Variants in MAP2 observed in about 807,000 individuals in gnomAD.
MAP2 encodes microtubule-associated protein 2.
A neutral mutation model predicts 137.6 loss-of-function variants in MAP2; 14 were observed. That is an observed-to-expected ratio of 0.10 (90% CI 0.07 to 0.16). The LOEUF (loss-of-function observed/expected upper bound fraction) is 0.16, where lower values mean the gene tolerates loss of function less well. MAP2 is among the 10% of genes least tolerant of loss of function. The probability of loss-of-function intolerance (pLI) is 1.00; values close to 1 mark genes in which losing one functional copy is unlikely to be tolerated. For missense variants in MAP2, 2,088 were observed against 2,191.5 expected, an observed-to-expected ratio of 0.95 and a Z score of 0.94; for synonymous variants, 786 against 782.3, an observed-to-expected ratio of 1.00 and a Z score of -0.08.
Position 209,710,266 on chromosome 2 carries a change from A to G in MAP2, c.5073+12A>G, listed in dbSNP as rs1242119238. The G allele has an allele frequency of 1.9e-6, 3 of 1,543,586 alleles. No individual in the cohort carries two copies. Among genetic ancestry groups the G allele is most frequent in the East Asian group, 2.4e-5 (1 of 41,092 alleles). On this transcript the variant is annotated intron_variant, in intron 13 of 15. Transcript: ENST00000682079. ...CTAAAGGGGGGCAGGTAAGAATTGCATGAACACATATTTGCTGCCAGAAAT... is the reference window on the plus strand; with the variant it reads ...CTAAAGGGGGGCAGGTAAGAATTGCGTGAACACATATTTGCTGCCAGAAAT...
chr2:209,707,574 GATAA>G (rs1368113632), intron 12 of MAP2, among the ~76,000 whole-genome samples: 2 of 149,788 alleles, frequency 1.3e-5, no homozygotes, highest in Non-Finnish European at 3.0e-5. Context: ...GAGTTGACAA[GATAA>G]ATAAAAGCAC....
intron 5 of MAP2, among the ~76,000 whole-genome samples, chr2:209,673,103 G>A (rs2049614867): frequency 6.6e-6 from 1 of 151,812 alleles, no homozygotes. Flanking sequence ...TACCTGGATA[G>A]TGGTGATCTG....
rs1346973433 is a variant in MAP2 at position 209,615,787 on chromosome 2, T to C, written c.-106-9266T>C. 4.6e-5 allele frequency among the ~76,000 whole-genome samples: 7 copies of C among 152,206 alleles called. No homozygotes were observed. In the South Asian group the frequency reaches 1.0e-3, roughly 23 times the overall value. On this transcript the variant is annotated intron_variant, in intron 3 of 15. Coordinates refer to ENST00000682079, the MANE Select transcript of MAP2 (RefSeq NM_001375505.1). ...GAACTTGTGTTCCTGTTTAGTGCGC[T>C]TTCCTCTGATTTGTGCCTACCCTTC... is the stretch of plus-strand genomic sequence containing the variant.
intron 1 of MAP2, among the ~76,000 whole-genome samples, chr2:209,497,751 C>T (rs1339978378): frequency 6.6e-6 from 1 of 152,082 alleles, no homozygotes; most frequent in Non-Finnish European, 1.5e-5. Flanking sequence ...GCTCCACATT[C>T]TCTTAAATGA....
chr2:209,501,730 G>A (rs1262018431), intron 1 of MAP2, among the ~76,000 whole-genome samples: 1 of 152,036 alleles, frequency 6.6e-6, no homozygotes, highest in East Asian at 1.9e-4. Flanking sequence ...TGAGCCTTGG[G>A]GCAACATCAA....
chr2:209,655,944 A>G (rs2095113801), intron 5 of MAP2, among the ~76,000 whole-genome samples: 1 of 152,180 alleles, frequency 6.6e-6, no homozygotes, highest in Non-Finnish European at 1.5e-5. Context: ...TTTTAAAATA[A>G]TATTTTCTCC....
intron 1 of MAP2, among the ~76,000 whole-genome samples, chr2:209,434,879 TA>T (rs1695413402): frequency 1.8e-5 from 1 of 54,870 alleles, no homozygotes; most frequent in Admixed American, 1.8e-4. Context: ...ATATGTTATA[TA>T]TATGTTATAT....
chr2:209,554,953 ATT>A (rs1209277704), intron 2 of MAP2, among the ~76,000 whole-genome samples: 2,932 of 147,704 alleles, frequency 0.02, 93 homozygotes, highest in African/African-American at 0.068. Context: ...TATATATATT[ATT>A]TTTATATATA....
chr2:209,706,201 T>C (rs1016327743), intron 12 of MAP2, among the ~76,000 whole-genome samples: 4 of 152,158 alleles, frequency 2.6e-5, no homozygotes, highest in Admixed American at 6.6e-5. Context: ...AAATATAGCA[T>C]AGTCTATGCA....
At chr2:209,723,200 C>G (rs2268044) in intron 13 of MAP2, among the ~76,000 whole-genome samples, 117,692 of 152,134 alleles carry the variant, frequency 0.77, 47,935 homozygotes, top group Non-Finnish European at 0.89. Flanking sequence ...ATGGCATATC[C>G]TCTAGGGTCC....
chr2:209,516,313 A>G (rs2062493886), intron 2 of MAP2, among the ~76,000 whole-genome samples: 1 of 152,140 alleles, frequency 6.6e-6, no homozygotes, highest in South Asian at 2.1e-4. Context: ...TTGCTTAAAG[A>G]TGCTTCACCT....
At chr2:209,520,383 A>G (rs2063107828) in intron 2 of MAP2, among the ~76,000 whole-genome samples, 1 of 152,094 alleles carries the variant, frequency 6.6e-6, no homozygotes, top group Non-Finnish European at 1.5e-5. Flanking sequence ...ATTTAGTAGG[A>G]ACAGCATAAA....
At chr2:209,682,701 T>C (rs960036415) in intron 7 of MAP2, among the ~76,000 whole-genome samples, 4 of 151,784 alleles carry the variant, frequency 2.6e-5, no homozygotes, top group African/African-American at 7.3e-5. Flanking sequence ...CAAATAAAGA[T>C]AGAAAAAAGC....
intron 1 of MAP2, among the ~76,000 whole-genome samples, chr2:209,444,484 T>A (rs942917040): frequency 6.6e-6 from 1 of 151,486 alleles, no homozygotes; most frequent in Admixed American, 6.6e-5. Context: ...ATTCAGTAAG[T>A]CAGTATCATT....
Position 209,732,692 on chromosome 2 carries a change from A to C in MAP2, c.*2295A>C, listed in dbSNP as rs2075926746. On this transcript the variant is annotated 3_prime_UTR_variant, in exon 16 of 16. Transcript: ENST00000682079. The stretch of plus-strand genomic sequence containing the variant: ...AAGTATTTTTCTCAACATTCTTTAA[A>C]GTTTTTATATAAGTTAACACTAGGT... 1 of 152,650 alleles carries C rather than the reference A, an allele frequency of 6.6e-6. No homozygotes were observed. Among genetic ancestry groups the C allele is most frequent in the Admixed American group, 6.5e-5 (1 of 15,292 alleles). The allele number at this position is 152,650 out of a possible 1,614,324, so 9.5% of individuals were successfully genotyped here.
At chr2:209,646,891 G>T (rs1026500387) in intron 4 of MAP2, among the ~76,000 whole-genome samples, 3 of 151,718 alleles carry the variant, frequency 2.0e-5, no homozygotes, top group African/African-American at 7.3e-5. Flanking sequence ...TAGAACATTT[G>T]GTTACTTATT....
chr2:209,669,714 T>G (rs573967261), intron 5 of MAP2, among the ~76,000 whole-genome samples: 33 of 152,002 alleles, frequency 2.2e-4, no homozygotes, highest in African/African-American at 7.2e-4. Context: ...GAGGTATCCA[T>G]GTACAGATGA....
chr2:209,468,317 CTTTTTTTTTTT>C (rs11450792), intron 1 of MAP2, among the ~76,000 whole-genome samples: 1 of 88,532 alleles, frequency 1.1e-5, no homozygotes, highest in Admixed American at 1.6e-4. Flanking sequence ...TTTAGTGTTT[CTTTTTTTTTTT>C]TTTTTTTTTT....
chr2:209,532,499 A>G (rs1390489091), intron 2 of MAP2, among the ~76,000 whole-genome samples: 2 of 152,180 alleles, frequency 1.3e-5, no homozygotes, highest in South Asian at 2.1e-4. Context: ...GAGTCAAGTT[A>G]AACAATTTCC....
Sources: gnomAD v4.1 joint callset for allele counts (sites outside exome capture counted in the v4.1 genomes callset) on GRCh38, gnomAD v4.1.1 for gene constraint, MANE v1.5 for transcripts, NCBI Gene and HGNC (gene_info 2026-07-23, HGNC 2026-07-21) for gene names.